BLK: variants seen among roughly 807,000 people sequenced by gnomAD.
BLK encodes the protein BLK proto-oncogene, Src family tyrosine kinase.
A neutral mutation model predicts 61.8 loss-of-function variants in BLK; 64 were observed. The observed-to-expected ratio is 1.03, with a 90% CI of 0.85 to 1.27. The LOEUF (loss-of-function observed/expected upper bound fraction) is 1.27, where lower values mean the gene tolerates loss of function less well. BLK is among the 50% of genes most tolerant of loss of function. The pLI is 0.00. For synonymous variants in BLK, 351 were observed against 272.0 expected, an observed-to-expected ratio of 1.29 and a Z score of -2.86; for missense variants, 853 against 660.5, an observed-to-expected ratio of 1.29 and a Z score of -3.19.
chr8:11,560,669 C>G (rs1801466909), intron 10 of BLK: 1 of 355,690 alleles, frequency 2.8e-6, no homozygotes, highest in Admixed American at 3.7e-5. Context: ...TCTTCTTCTT[C>G]ACAGCCTCTG....
chr8:11,537,219 G>A (rs967707976), intron 1 of BLK, among the ~76,000 whole-genome samples: 3 of 152,236 alleles, frequency 2.0e-5, no homozygotes, highest in Non-Finnish European at 2.9e-5. Context: ...GCCAATCACC[G>A]TACTTTCTTC....
At chr8:11,538,810 T>A (rs1385121422) in intron 1 of BLK, among the ~76,000 whole-genome samples, 1 of 152,220 alleles carries the variant, frequency 6.6e-6, no homozygotes, top group Non-Finnish European at 1.5e-5. Flanking sequence ...GGCTGGCCAC[T>A]TAACGGTCAT....
At chr8:11,512,312 T>C (rs7005030) in intron 1 of BLK, among the ~76,000 whole-genome samples, 39,428 of 152,122 alleles carry the variant, frequency 0.26, 5,539 homozygotes, top group African/African-American at 0.33. Flanking sequence ...TTAGCTCTTT[T>C]CCAGAACTTG....
chr8:11,544,346 G>A (rs1263412500), intron 2 of BLK, among the ~76,000 whole-genome samples: 1 of 152,130 alleles, frequency 6.6e-6, no homozygotes, highest in Non-Finnish European at 1.5e-5. Context: ...GCAGTTGGGA[G>A]CCTTGCCGCG....
At chr8:11,524,333 G>A (rs1011973096) in intron 1 of BLK, among the ~76,000 whole-genome samples, 1 of 152,138 alleles carries the variant, frequency 6.6e-6, no homozygotes, top group African/African-American at 2.4e-5. Context: ...ATTTTCCATT[G>A]GTGGTAGGGT....
chr8:11,544,965 C>G (rs1397911054), intron 2 of BLK, among the ~76,000 whole-genome samples: 2 of 152,306 alleles, frequency 1.3e-5, no homozygotes, highest in Admixed American at 6.5e-5. Flanking sequence ...ACCCTTCACC[C>G]CAGGCCCCAA....
At chr8:11,542,543 G>T (rs1204807064) in intron 1 of BLK, among the ~76,000 whole-genome samples, 1 of 152,196 alleles carries the variant, frequency 6.6e-6, no homozygotes, top group Non-Finnish European at 1.5e-5. Context: ...AATGAGGATG[G>T]TGACAACATG....
chr8:11,549,217 C>G (rs973519322), intron 5 of BLK, 95 bp downstream of exon 5: 2 of 1,150,834 alleles, frequency 1.7e-6, no homozygotes, highest in African/African-American at 1.5e-5. Context: ...TGGGACTGAC[C>G]AGGGAGCCTG....
chr8:11,520,328 C>G (rs552052389), intron 1 of BLK, among the ~76,000 whole-genome samples: 2 of 151,682 alleles, frequency 1.3e-5, no homozygotes, highest in African/African-American at 4.8e-5. Context: ...TTTACAAGAA[C>G]TAGCCAGGTG....
intron 10 of BLK, chr8:11,558,696 G>A (rs1372153674): frequency 2.2e-6 from 1 of 456,176 alleles, no homozygotes; most frequent in African/African-American, 2.0e-5. Context: ...GCAGAGTGGA[G>A]AGGAGGGTTT....
At chr8:11,547,051 C>G (rs1395755376) in intron 3 of BLK, among the ~76,000 whole-genome samples, 1 of 152,248 alleles carries the variant, frequency 6.6e-6, no homozygotes, top group Non-Finnish European at 1.5e-5. Context: ...GAAGGGATGC[C>G]TCGGCCAGCC....
At chr8:11,556,272 T>A in intron 8 of BLK, 1 of 321,870 alleles carries the variant, frequency 3.1e-6, no homozygotes, top group Non-Finnish European at 6.0e-6. Context: ...CCCCCATGCG[T>A]CATCCTCCTG....
At position 11,561,546 on chromosome 8, in the gene BLK, G is replaced by A. The variant is rs1801508469; in HGVS notation, c.1180+94G>A. On this transcript the variant is annotated intron_variant, in intron 11 of 12. Transcript: ENST00000259089. ...TAACTTCTCCCAGCACAGCCCTGAGGGAAGACACCTGAGGGCTATACGGTT... is the reference window on the plus strand; with the variant it reads ...TAACTTCTCCCAGCACAGCCCTGAGAGAAGACACCTGAGGGCTATACGGTT... 6 of 1,479,334 alleles carry A rather than the reference G, an allele frequency of 4.1e-6. No homozygotes were observed. The African/African-American group carries it at 5.6e-5, about 14-fold the overall frequency. The allele number at this position is 1,479,334 out of a possible 1,614,324, so 91.6% of individuals were successfully genotyped here. A position where few individuals can be genotyped will look rare whatever the true frequency, so the allele number is the denominator to read the frequency against.
At chr8:11,537,674 G>A (rs564765782) in intron 1 of BLK, among the ~76,000 whole-genome samples, 4 of 152,102 alleles carry the variant, frequency 2.6e-5, no homozygotes, top group Non-Finnish European at 5.9e-5. Flanking sequence ...ACCTCGCCTC[G>A]CCTTCTTCAG....
intron 2 of BLK, among the ~76,000 whole-genome samples, chr8:11,544,729 GTTCAT>G (rs1432690491): frequency 2.5e-4 from 38 of 152,246 alleles, no homozygotes; most frequent in Non-Finnish European, 4.4e-4. Flanking sequence ...TCTTCCGTGT[GTTCAT>G]TTCATGTGTT....
At position 11,505,080 on chromosome 8, in the gene BLK, A is replaced by G. The variant is rs1280755516; in HGVS notation, c.-2+10489A>G. On this transcript the variant is annotated intron_variant, in intron 1 of 12. Coordinates refer to ENST00000259089, the MANE Select transcript of BLK (RefSeq NM_001715.3). ...TGCACAGACATGTAGAAATACCTAG[A>G]CACAGAGGAACACACAAAGATACAC... 2.0e-5 allele frequency among the ~76,000 whole-genome samples: 3 copies of G among 152,192 alleles called. No individual in the cohort carries two copies. In the East Asian group the frequency reaches 5.8e-4, roughly 29 times the overall value.
rs1386039893 is a variant in BLK, at chr8:11,555,504, G to A, written c.772+20G>A. ...GGATGGGTGAGTGTGTGCACACGTG[G>A]GAGCATTTCTCCCCCCATTCCACCT... On this transcript the variant is annotated intron_variant, in intron 8 of 12. Transcript: ENST00000259089. 1 of 1,613,844 alleles carries A rather than the reference G, an allele frequency of 6.2e-7. No homozygotes were observed.
chr8:11,526,430 A>G (rs1799653437), intron 1 of BLK, among the ~76,000 whole-genome samples: 2 of 152,304 alleles, frequency 1.3e-5, no homozygotes, highest in South Asian at 4.1e-4. Flanking sequence ...TATCATATAT[A>G]TATTCTGGCT....
chr8:11,535,747 G>C (rs563095363), intron 1 of BLK, among the ~76,000 whole-genome samples: 2 of 152,296 alleles, frequency 1.3e-5, no homozygotes, highest in East Asian at 3.9e-4. Context: ...CCTCCTGGTA[G>C]GATGCAACAT....
Sources: gnomAD v4.1 joint callset for allele counts (sites outside exome capture counted in the v4.1 genomes callset) on GRCh38, gnomAD v4.1.1 for gene constraint, MANE v1.5 for transcripts, NCBI Gene and HGNC (gene_info 2026-07-23, HGNC 2026-07-21) for gene names.